The following DLG5 variants were observed in gnomAD, a reference collection of about 807,000 sequenced individuals.
DLG5 encodes disks large homolog 5.
DLG5 carries 48 observed loss-of-function variants against 189.8 expected under a neutral mutation model. The observed-to-expected ratio is 0.25, with a 90% CI of 0.20 to 0.32. The LOEUF (loss-of-function observed/expected upper bound fraction) is 0.32, where lower values mean the gene tolerates loss of function less well. DLG5 is among the 10% of genes least tolerant of loss of function. The pLI, the probability that DLG5 is intolerant of heterozygous loss-of-function variation, is 1.00. For synonymous variants in DLG5, 1,016 were observed against 1,054.1 expected, an observed-to-expected ratio of 0.96 and a Z score of 0.70; for missense variants, 2,160 against 2,544.7, an observed-to-expected ratio of 0.85 and a Z score of 3.25.
intron 5 of DLG5, among the ~76,000 whole-genome samples, chr10:77,849,122 T>C (rs1843836520): frequency 6.6e-6 from 1 of 152,126 alleles, no homozygotes; most frequent in African/African-American, 2.4e-5. Context: ...TGTGTGCTGC[T>C]CTCAACCATG....
chr10:77,934,495 C>T, the DLG5 span, among the ~76,000 whole-genome samples: 1 of 152,040 alleles, frequency 6.6e-6, no homozygotes, highest in Non-Finnish European at 1.5e-5. Flanking sequence ...CAGAGAATTT[C>T]CTCCACCTGG....
intron 1 of DLG5, among the ~76,000 whole-genome samples, chr10:77,874,841 A>G (rs1845034895): frequency 6.6e-6 from 1 of 152,218 alleles, no homozygotes; most frequent in Admixed American, 6.5e-5. Context: ...GGGCCCTTCC[A>G]ACTCTGCTGT....
chr10:77,903,410 A>T (rs1267010962), intron 1 of DLG5, among the ~76,000 whole-genome samples: 1 of 151,926 alleles, frequency 6.6e-6, no homozygotes, highest in African/African-American at 2.4e-5. Flanking sequence ...CCTGGGTGAT[A>T]GAGTGAGACT....
At chr10:77,806,698 A>G in intron 26 of DLG5, 60 bp downstream of exon 26, 2 of 1,493,262 alleles carry the variant, frequency 1.3e-6, no homozygotes, top group Non-Finnish European at 9.2e-7. Context: ...GGACAGCTCC[A>G]TGGCTGGTGG....
chr10:77,872,201 C>T (rs974678872), intron 1 of DLG5, among the ~76,000 whole-genome samples: 2 of 152,212 alleles, frequency 1.3e-5, no homozygotes, highest in African/African-American at 4.8e-5. Flanking sequence ...TCTGCTGGAA[C>T]GCTCCCCTCT....
At chr10:77,844,921 GAC>G (rs1379870603) in intron 5 of DLG5, among the ~76,000 whole-genome samples, 1 of 152,234 alleles carries the variant, frequency 6.6e-6, no homozygotes, top group African/African-American at 2.4e-5. Flanking sequence ...GTGTTCTAGA[GAC>G]AGAGAGGGGC....
chr10:77,810,058 T>C (rs1331297463), intron 23 of DLG5, among the ~76,000 whole-genome samples: 1 of 152,216 alleles, frequency 6.6e-6, no homozygotes, highest in East Asian at 1.9e-4. Flanking sequence ...ACACTCATTT[T>C]CCTAACTTAG....
intron 1 of DLG5, among the ~76,000 whole-genome samples, chr10:77,911,227 A>G (rs1382305248): frequency 6.6e-6 from 1 of 152,040 alleles, no homozygotes; most frequent in Non-Finnish European, 1.5e-5. Flanking sequence ...TGTCAGGTTC[A>G]AGGGATCCTC....
At chr10:77,874,207 C>T (rs1845013620) in intron 1 of DLG5, among the ~76,000 whole-genome samples, 2 of 152,266 alleles carry the variant, frequency 1.3e-5, no homozygotes, top group South Asian at 4.1e-4. Context: ...GCCCTTCTCT[C>T]TGAGCCAAAC....
At chr10:77,910,799 C>T (rs1357688220) in intron 1 of DLG5, among the ~76,000 whole-genome samples, 1 of 151,968 alleles carries the variant, frequency 6.6e-6, no homozygotes, top group Admixed American at 6.6e-5. Context: ...GATAAAACGC[C>T]GTCTCTACTA....
chr10:77,911,609 G>T (rs1178484589), intron 1 of DLG5, among the ~76,000 whole-genome samples: 3 of 152,024 alleles, frequency 2.0e-5, no homozygotes, highest in African/African-American at 4.8e-5. Context: ...TAGAGCCAGG[G>T]AGGTACCATT....
At chr10:77,928,851 A>G (rs1458313324), upstream of DLG5, 6 of 151,746 alleles carry the variant, frequency 4.0e-5, no homozygotes, top group African/African-American at 1.5e-4. Flanking sequence ...ACGTGGTAAA[A>G]CCCCGTCTCT....
At chr10:77,792,587 A>G in intron 31 of DLG5, 44 bp from the exon 32 acceptor site, 1 of 1,594,366 alleles carries the variant, frequency 6.3e-7, no homozygotes, top group African/African-American at 1.3e-5. Context: ...TCAGAGTAAG[A>G]CCCCAGGTTT....
Position 77,839,193 on chromosome 10 carries a change from G to A in DLG5, c.1437+2688C>T, listed in dbSNP as rs545942310. Among the ~76,000 whole-genome samples the A allele has an allele frequency of 2.2e-3, 331 of 152,284 alleles. 1 individual carries two copies. Among genetic ancestry groups the A allele is most frequent in the Non-Finnish European group, 3.3e-3 (223 of 68,016 alleles). ...CTATATTTCTACAAACAGTCTTCAC[G>A]ATTAACTTCAAAGATCTCAAAACTT... On this transcript the variant is annotated intron_variant, in intron 7 of 31. Coordinates refer to ENST00000372391, the MANE Select transcript of DLG5 (RefSeq NM_004747.4).
At position 77,924,732 on chromosome 10, in the gene DLG5, G is replaced by A. The variant is rs114661555; in HGVS notation, c.304+1485C>T. Reference sequence around the variant, plus strand: ...CAGTAACTCTGACATGACCACAACTGGGGGGAAAGAATGCAGGTTTGAGGG... The same window carrying A: ...CAGTAACTCTGACATGACCACAACTAGGGGGAAAGAATGCAGGTTTGAGGG... On this transcript the variant is annotated intron_variant, in intron 1 of 31. Coordinates refer to ENST00000372391, the MANE Select transcript of DLG5 (RefSeq NM_004747.4). 3.8e-3 allele frequency among the ~76,000 whole-genome samples: 581 copies of A among 152,272 alleles called. 3 individuals are homozygous for A. Among genetic ancestry groups the A allele is most frequent in the African/African-American group, 0.013 (545 of 41,548 alleles).
chr10:77,801,038 G>A (rs1219405728), intron 27 of DLG5, among the ~76,000 whole-genome samples: 3 of 152,206 alleles, frequency 2.0e-5, no homozygotes, highest in African/African-American at 7.2e-5. Flanking sequence ...CTGGAAGCTG[G>A]CAACATCACT....
In DLG5 at chr10:77,841,865, C is replaced by G; in HGVS notation, c.1437+16G>C. 1 of 1,598,290 alleles carries G rather than the reference C, an allele frequency of 6.3e-7. No homozygotes were observed. The highest frequency in any genetic ancestry group is 8.5e-7 in the Non-Finnish European group (1 of 1,171,136). On this transcript the variant is annotated intron_variant, in intron 7 of 31. Coordinates refer to ENST00000372391, the MANE Select transcript of DLG5 (RefSeq NM_004747.4). ...GTAGGAGAGGCTGAAAGCCAGCCAC[C>G]GGCCCACCCACCTACCTGCCGCAGC...
upstream of DLG5, chr10:77,929,448 A>G (rs1207037857): frequency 6.6e-6 from 1 of 152,182 alleles, no homozygotes; most frequent in Non-Finnish European, 1.5e-5. Flanking sequence ...TGTTCCCCCA[A>G]AAGATATGTT....
intron 1 of DLG5, among the ~76,000 whole-genome samples, chr10:77,888,444 CATG>C (rs902821356): frequency 6.6e-6 from 1 of 152,128 alleles, no homozygotes; most frequent in African/African-American, 2.4e-5. Context: ...TGCAAAAAAC[CATG>C]ATGACAGAAG....
Sources: gnomAD v4.1 joint callset for allele counts (sites outside exome capture counted in the v4.1 genomes callset) on GRCh38, gnomAD v4.1.1 for gene constraint, MANE v1.5 for transcripts, NCBI Gene and HGNC (gene_info 2026-07-23, HGNC 2026-07-21) for gene names.